Variants in ATP2C1 observed in about 807,000 individuals in gnomAD.
The protein encoded by ATP2C1 is calcium-transporting ATPase type 2C member 1.
A neutral mutation model predicts 120.5 loss-of-function variants in ATP2C1; 31 were observed. That is an observed-to-expected ratio of 0.26 (90% CI 0.19 to 0.35). ATP2C1 has a LOEUF of 0.35. Among genes scored for constraint, ATP2C1 ranks in the 10% least tolerant of loss-of-function variants. ATP2C1 has a pLI of 1.00. For missense variants in ATP2C1, 731 were observed against 1,107.5 expected, an observed-to-expected ratio of 0.66 and a Z score of 4.83; for synonymous variants, 351 against 358.7, an observed-to-expected ratio of 0.98 and a Z score of 0.24.
intron 17 of ATP2C1, among the ~76,000 whole-genome samples, chr3:130,974,567 T>C (rs2061464264): frequency 6.6e-6 from 1 of 152,152 alleles, no homozygotes. Flanking sequence ...TGAACTGCTA[T>C]AGTCATTACC....
chr3:130,912,324 A>C (rs1383045642), intron 2 of ATP2C1, among the ~76,000 whole-genome samples: 13 of 150,898 alleles, frequency 8.6e-5, no homozygotes, highest in South Asian at 6.3e-4. Context: ...AAACCTACAA[A>C]ATGGGAGAAA....
At chr3:131,011,555 A>G (rs1157118680) in intron 26 of ATP2C1, among the ~76,000 whole-genome samples, 1 of 152,258 alleles carries the variant, frequency 6.6e-6, no homozygotes. Flanking sequence ...TTCTGCTTCT[A>G]CACAGGTGTT....
intron 2 of ATP2C1, among the ~76,000 whole-genome samples, chr3:130,906,466 A>G (rs1186252561): frequency 6.6e-6 from 1 of 152,218 alleles, no homozygotes; most frequent in Non-Finnish European, 1.5e-5. Context: ...AAATAACACT[A>G]TTGTGAGCAT....
chr3:131,005,218 C>T (rs1306974696), downstream of ATP2C1, among the ~76,000 whole-genome samples: 3 of 148,538 alleles, frequency 2.0e-5, no homozygotes, highest in African/African-American at 5.0e-5. Flanking sequence ...CAGGATCAAG[C>T]GATCCTCCCA....
chr3:130,942,188 C>A (rs1450145877), intron 8 of ATP2C1, among the ~76,000 whole-genome samples: 1 of 152,152 alleles, frequency 6.6e-6, no homozygotes, highest in African/African-American at 2.4e-5. Flanking sequence ...GACAATGAAG[C>A]AACACCATTC....
chr3:130,877,442 G>GA (rs569696767), intron 1 of ATP2C1, among the ~76,000 whole-genome samples: 21 of 152,206 alleles, frequency 1.4e-4, no homozygotes, highest in Non-Finnish European at 1.8e-4. Flanking sequence ...AAATTTACAA[G>GA]AAAAAATCAA....
intron 1 of ATP2C1, among the ~76,000 whole-genome samples, chr3:130,886,747 C>G (rs2068982241): frequency 1.3e-5 from 2 of 152,000 alleles, no homozygotes; most frequent in Non-Finnish European, 2.9e-5. Flanking sequence ...AATTTCTTTT[C>G]TGTTATCTTG....
chr3:130,932,178 T>G, intron 4 of ATP2C1, 40 bp downstream of exon 4: 1 of 1,183,928 alleles, frequency 8.4e-7, no homozygotes, highest in Non-Finnish European at 1.3e-6. Context: ...TGTAATTTAT[T>G]AATACATGGA....
intron 2 of ATP2C1, among the ~76,000 whole-genome samples, chr3:130,902,283 C>CT (rs2057872994): frequency 1.2e-5 from 1 of 80,940 alleles, no homozygotes; most frequent in African/African-American, 4.8e-5. Context: ...CAAGGCTTCA[C>CT]GTTTTTTTTT....
At chr3:130,886,169 G>A (rs1009179521) in intron 1 of ATP2C1, among the ~76,000 whole-genome samples, 5 of 151,892 alleles carry the variant, frequency 3.3e-5, no homozygotes, top group African/African-American at 7.3e-5. Flanking sequence ...CCACTCTCTC[G>A]GCCTGTAAGA....
chr3:131,014,498 GC>G, intron 26 of ATP2C1: 16 of 1,013,482 alleles, frequency 1.6e-5, no homozygotes, highest in Non-Finnish European at 2.1e-5. Context: ...AGCTCTTATT[GC>G]TCTATAATAT....
rs775137336 is a variant in ATP2C1, at chr3:131,014,411, T to G, written c.2630-1741T>G. ...GTCTGTTCAAAGCAAGAAAAAAGTATGTTGTTAAAGAAGTAATTCAGTGCA... is the reference window on the plus strand; with the variant it reads ...GTCTGTTCAAAGCAAGAAAAAAGTAGGTTGTTAAAGAAGTAATTCAGTGCA... On this transcript the variant is annotated intron_variant, in intron 26 of 26. Coordinates refer to the ATP2C1 transcript ENST00000328560. 1.9e-6 allele frequency: 3 copies of G among 1,539,376 alleles called. No homozygotes were observed. In the South Asian group the frequency reaches 3.9e-5, roughly 20 times the overall value.
chr3:130,965,084 C>G, intron 14 of ATP2C1, 39 bp downstream of exon 14: 2 of 1,439,200 alleles, frequency 1.4e-6, no homozygotes, highest in Non-Finnish European at 2.0e-6. Context: ...AAAACAGTAT[C>G]CCTTTAAGAA....
intron 2 of ATP2C1, chr3:130,914,296 G>C (rs1000165383): frequency 6.6e-6 from 1 of 151,844 alleles, no homozygotes; most frequent in South Asian, 2.1e-4. Context: ...TTAGTTTAAG[G>C]CTTAAGCCAT....
In ATP2C1 at chr3:130,964,735, CAT is replaced by C. The variant is rs556341892; in HGVS notation, c.1025-212_1025-211del. 1.7e-3 allele frequency among the ~76,000 whole-genome samples: 252 copies of C among 152,088 alleles called. No individual in the cohort carries two copies. The Middle Eastern group carries it at 0.017, about 10-fold the overall frequency. On this transcript the variant is annotated intron_variant, in intron 13 of 27. Transcript: ENST00000510168. The stretch of plus-strand genomic sequence containing the variant: ...GAAACTAACTGTATATAAATAAGAA[CAT>C]GTCATCATCTAATTTTTATTTTTAA...
At chr3:130,876,983 T>G (rs559699011) in intron 1 of ATP2C1, among the ~76,000 whole-genome samples, 4 of 152,318 alleles carry the variant, frequency 2.6e-5, no homozygotes, top group African/African-American at 7.2e-5. Context: ...CTGAATTTGT[T>G]TATTCGTTCT....
At chr3:130,989,748 A>G (rs1439826323) in intron 20 of ATP2C1, among the ~76,000 whole-genome samples, 3 of 152,294 alleles carry the variant, frequency 2.0e-5, no homozygotes, top group African/African-American at 7.2e-5. Context: ...CATGAAGTAC[A>G]TGGACAACTC....
intron 2 of ATP2C1, among the ~76,000 whole-genome samples, chr3:130,916,905 G>A (rs1248210594): frequency 6.6e-6 from 1 of 152,106 alleles, no homozygotes; most frequent in Non-Finnish European, 1.5e-5. Context: ...AAATCAATGT[G>A]TACTGACTGA....
chr3:130,991,264 T>A (rs192218288), intron 20 of ATP2C1, among the ~76,000 whole-genome samples: 22 of 152,116 alleles, frequency 1.4e-4, no homozygotes, highest in African/African-American at 5.3e-4. Flanking sequence ...ATCAGCTACG[T>A]TAGGGTGCGG....
Sources: allele counts gnomAD v4.1 joint callset (sites outside exome capture counted in the v4.1 genomes callset), GRCh38; gene constraint gnomAD v4.1.1; transcripts MANE v1.5; gene names NCBI Gene and HGNC (gene_info 2026-07-23, HGNC 2026-07-21).